CEP128: variants seen among roughly 807,000 people sequenced by gnomAD.
CEP128 encodes the protein centrosomal protein 128, also known as centrosomal protein 128kDa.
In CEP128, 132 loss-of-function variants were observed where a neutral mutation model predicts 156.7. That is an observed-to-expected ratio of 0.84 (90% CI 0.73 to 0.97). The LOEUF is 0.97. CEP128 is among the 50% of genes least tolerant of loss of function. The probability of loss-of-function intolerance (pLI) is 0.00; values close to 1 mark genes in which losing one functional copy is unlikely to be tolerated. For synonymous variants in CEP128, 469 were observed against 448.9 expected, an observed-to-expected ratio of 1.04 and a Z score of -0.57; for missense variants, 1,252 against 1,281.9, an observed-to-expected ratio of 0.98 and a Z score of 0.36.
chr14:80,514,922 T>C (rs990021975), intron 23 of CEP128, among the ~76,000 whole-genome samples: 10 of 152,214 alleles, frequency 6.6e-5, no homozygotes, highest in Admixed American at 1.3e-4. Context: ...CTTTGGTCCC[T>C]GCAGCCATGT....
At chr14:80,758,400 T>C (rs2139671886) in intron 17 of CEP128, among the ~76,000 whole-genome samples, 1 of 151,776 alleles carries the variant, frequency 6.6e-6, no homozygotes, top group East Asian at 1.9e-4. Flanking sequence ...CGCATGCCTG[T>C]AATCCCAGCT....
chr14:80,766,533 C>G (rs1900248231), intron 16 of CEP128, among the ~76,000 whole-genome samples: 1 of 152,050 alleles, frequency 6.6e-6, no homozygotes. Context: ...AGAGCATGTC[C>G]AAAATAGTAT....
intron 23 of CEP128, among the ~76,000 whole-genome samples, chr14:80,523,847 C>T (rs976867429): frequency 6.6e-6 from 1 of 152,132 alleles, no homozygotes; most frequent in African/African-American, 2.4e-5. Context: ...TTCCTCTAGA[C>T]CAGAGGTTGG....
chr14:80,510,252 T>C (rs1333153541), intron 23 of CEP128, among the ~76,000 whole-genome samples: 1 of 152,112 alleles, frequency 6.6e-6, no homozygotes, highest in Non-Finnish European at 1.5e-5. Flanking sequence ...TCCATGACCA[T>C]AAAATATCTT....
chr14:80,539,001 T>C (rs1445299209), intron 21 of CEP128, among the ~76,000 whole-genome samples: 1 of 152,190 alleles, frequency 6.6e-6, no homozygotes, highest in East Asian at 1.9e-4. Context: ...TCCACCAAAG[T>C]GCCTGACCCA....
At chr14:80,529,559 G>T (rs1482399652) in intron 22 of CEP128, among the ~76,000 whole-genome samples, 1 of 152,108 alleles carries the variant, frequency 6.6e-6, no homozygotes, top group Non-Finnish European at 1.5e-5. Context: ...TATAAGACAG[G>T]TATCTATTTC....
intron 19 of CEP128, among the ~76,000 whole-genome samples, chr14:80,726,281 A>G (rs1595293258): frequency 6.6e-6 from 1 of 152,174 alleles, no homozygotes; most frequent in East Asian, 1.9e-4. Flanking sequence ...CCTGTAATTT[A>G]TATTCCCTCA....
At chr14:80,854,378 C>T (rs765650219) in intron 9 of CEP128, among the ~76,000 whole-genome samples, 5 of 152,080 alleles carry the variant, frequency 3.3e-5, no homozygotes, top group Non-Finnish European at 2.9e-5. Context: ...AAACAAGAAG[C>T]AGAAATGTAT....
chr14:80,562,374 T>C (rs916530185), intron 20 of CEP128, among the ~76,000 whole-genome samples: 1 of 152,142 alleles, frequency 6.6e-6, no homozygotes, highest in African/African-American at 2.4e-5. Flanking sequence ...CAATCAACAA[T>C]AGCTAATAAG....
chr14:80,553,256 C>T (rs183933174), intron 21 of CEP128, among the ~76,000 whole-genome samples: 38 of 152,124 alleles, frequency 2.5e-4, no homozygotes, highest in Non-Finnish European at 4.6e-4. Flanking sequence ...TACCCCCAAC[C>T]GACATGCCCT....
In CEP128 at chr14:80,870,989, C is replaced by CA. The variant is rs1197411061; in HGVS notation, c.646-8117dup. On this transcript the variant is annotated intron_variant, in intron 8 of 24. Coordinates refer to ENST00000555265, the MANE Select transcript of CEP128 (RefSeq NM_152446.5). ...AAAAAGTCCTGTTCACTATAGCACC[C>CA]AAAAAATACGAAGAAATAAATTTAC... is the stretch of plus-strand genomic sequence containing the variant. Among the ~76,000 whole-genome samples the CA allele has an allele frequency of 5.3e-5, 8 of 151,010 alleles. No homozygotes were observed. The East Asian group carries it at 1.5e-3, about 29-fold the overall frequency.
At chr14:80,886,702 T>C (rs754121955) in intron 8 of CEP128, among the ~76,000 whole-genome samples, 13 of 152,090 alleles carry the variant, frequency 8.5e-5, no homozygotes, top group African/African-American at 1.7e-4. Flanking sequence ...CCATTGACAA[T>C]AGGAAGAAAC....
At chr14:80,780,341 A>T (rs1296614174) in intron 15 of CEP128, among the ~76,000 whole-genome samples, 1 of 152,148 alleles carries the variant, frequency 6.6e-6, no homozygotes, top group Admixed American at 6.5e-5. Flanking sequence ...TTTAATTAAT[A>T]TAAATAAGTA....
At chr14:80,923,021 C>T (rs1594850957) in intron 2 of CEP128, among the ~76,000 whole-genome samples, 1 of 152,264 alleles carries the variant, frequency 6.6e-6, no homozygotes, top group East Asian at 1.9e-4. Flanking sequence ...CAGACGTGAG[C>T]TTTTTCCAAA....
chr14:80,497,762 T>A lies in CEP128; in HGVS notation c.3182-180A>T, dbSNP rs183609730. On this transcript the variant is annotated intron_variant, in intron 24 of 24. Transcript: ENST00000555265. ...ATAAATACACTCAATTTATGACATTTAAAAAAAACACGAGAATTAAACTTT... is the reference window on the plus strand; with the variant it reads ...ATAAATACACTCAATTTATGACATTAAAAAAAAACACGAGAATTAAACTTT... Among the ~76,000 whole-genome samples the A allele has an allele frequency of 0.014, 2,115 of 152,078 alleles. 32 individuals are homozygous for A. Among genetic ancestry groups the A allele is most frequent in the Middle Eastern group, 0.034 (10 of 294 alleles).
chr14:80,787,733 T>A (rs938397928), intron 14 of CEP128, among the ~76,000 whole-genome samples: 1 of 152,218 alleles, frequency 6.6e-6, no homozygotes, highest in Non-Finnish European at 1.5e-5. Flanking sequence ...CCCCTTGGCA[T>A]GAGTTGAGAG....
At chr14:80,611,065 A>G (rs1892976420) in intron 19 of CEP128, among the ~76,000 whole-genome samples, 1 of 152,080 alleles carries the variant, frequency 6.6e-6, no homozygotes, top group African/African-American at 2.4e-5. Context: ...AAGGAATAGA[A>G]CTGAGAGTTC....
intron 19 of CEP128, among the ~76,000 whole-genome samples, chr14:80,616,951 T>G (rs1286369434): frequency 1.3e-5 from 2 of 152,168 alleles, no homozygotes; most frequent in Non-Finnish European, 2.9e-5. Flanking sequence ...CTAGTGATAT[T>G]AAGCAGACCA....
chr14:80,499,136 C>G (rs1408549754), intron 24 of CEP128, among the ~76,000 whole-genome samples: 1 of 152,160 alleles, frequency 6.6e-6, no homozygotes, highest in Non-Finnish European at 1.5e-5. Context: ...AATTTTATTG[C>G]CTTTATCAGT....
Sources: gnomAD v4.1 joint callset for allele counts (sites outside exome capture counted in the v4.1 genomes callset) on GRCh38, gnomAD v4.1.1 for gene constraint, MANE v1.5 for transcripts, NCBI Gene and HGNC (gene_info 2026-07-23, HGNC 2026-07-21) for gene names.